The following SPTLC2 variants were observed in gnomAD, a reference collection of about 807,000 sequenced individuals.
SPTLC2 encodes serine palmitoyltransferase 2.
SPTLC2 carries 21 observed loss-of-function variants against 62.0 expected under a neutral mutation model. That is an observed-to-expected ratio of 0.34 (90% CI 0.24 to 0.49). SPTLC2 has a LOEUF of 0.49. SPTLC2 is among the 20% of genes least tolerant of loss of function. The pLI is 0.99. For missense variants in SPTLC2, 511 were observed against 713.0 expected (o/e 0.72, Z 3.23); for synonymous variants, 261 against 261.8 (o/e 1.00, Z 0.03).
chr14:77,526,419 G>A (rs1566768965), intron 9 of SPTLC2, among the ~76,000 whole-genome samples: 2 of 152,186 alleles, frequency 1.3e-5, no homozygotes, highest in Non-Finnish European at 2.9e-5. Context: ...ATATAAAGAG[G>A]TCAGAATTCT....
intron 1 of SPTLC2, among the ~76,000 whole-genome samples, chr14:77,612,587 T>C (rs952637223): frequency 6.6e-6 from 1 of 152,236 alleles, no homozygotes; most frequent in Admixed American, 6.5e-5. Flanking sequence ...TAAATAGATA[T>C]ATGACTATTC....
chr14:77,581,207 T>G (rs2079748253), intron 2 of SPTLC2, among the ~76,000 whole-genome samples: 1 of 152,164 alleles, frequency 6.6e-6, no homozygotes, highest in African/African-American at 2.4e-5. Flanking sequence ...TCAAAAACAT[T>G]GAAAAAGCTT....
In SPTLC2 at chr14:77,530,623, G is replaced by A. The variant is rs192263155; in HGVS notation, c.1304-9042C>T. Among the ~76,000 whole-genome samples, 195 of 152,308 alleles carry A rather than the reference G, an allele frequency of 1.3e-3. 1 individual carries two copies. Among genetic ancestry groups the A allele is most frequent in the Non-Finnish European group, 2.3e-3 (158 of 68,030 alleles). ...AATACACCATATAAGTAACTTCTGAGAGGAAGAACAGACTTAGTAGGCTTT... is the reference window on the plus strand; with the variant it reads ...AATACACCATATAAGTAACTTCTGAAAGGAAGAACAGACTTAGTAGGCTTT... On this transcript the variant is annotated intron_variant, in intron 9 of 11. Transcript: ENST00000216484.
chr14:77,573,408 T>C (rs1157585464), intron 4 of SPTLC2, among the ~76,000 whole-genome samples: 1 of 152,140 alleles, frequency 6.6e-6, no homozygotes, highest in Non-Finnish European at 1.5e-5. Flanking sequence ...CTTGATTCTA[T>C]ACACATTCTA....
At chr14:77,568,422 T>C (rs1010025876) in intron 5 of SPTLC2, among the ~76,000 whole-genome samples, 2 of 152,190 alleles carry the variant, frequency 1.3e-5, no homozygotes, top group Admixed American at 6.5e-5. Flanking sequence ...GTGAAGTGTT[T>C]CATGACTCTC....
chr14:77,550,300 C>T lies in SPTLC2; in HGVS notation c.1303+1796G>A, dbSNP rs143415080. Among the ~76,000 whole-genome samples, 1,092 of 152,306 alleles carry T rather than the reference C, an allele frequency of 7.2e-3. 11 individuals carry two copies. Among genetic ancestry groups the T allele is most frequent in the African/African-American group, 0.023 (940 of 41,562 alleles). Reference sequence around the variant, plus strand: ...TGATTTAAGAAAACAGTCGACTGGGCGCGGTGGCTTACGCCTGTAATCCCA... The same window carrying T: ...TGATTTAAGAAAACAGTCGACTGGGTGCGGTGGCTTACGCCTGTAATCCCA... On this transcript the variant is annotated intron_variant, in intron 9 of 11. Coordinates refer to ENST00000216484, the MANE Select transcript of SPTLC2 (RefSeq NM_004863.4).
At chr14:77,611,147 A>AAG (rs967367169) in intron 1 of SPTLC2, among the ~76,000 whole-genome samples, 1 of 150,350 alleles carries the variant, frequency 6.7e-6, no homozygotes, top group African/African-American at 2.4e-5. Context: ...CAAAAAAAAA[A>AAG]AAAAAATTAG....
chr14:77,580,350 C>T (rs1449349809), intron 2 of SPTLC2, among the ~76,000 whole-genome samples: 4 of 151,020 alleles, frequency 2.6e-5, no homozygotes, highest in East Asian at 2.0e-4. Context: ...GGCATGGTGG[C>T]GGGTGCCTGT....
intron 11 of SPTLC2, among the ~76,000 whole-genome samples, chr14:77,514,471 G>A (rs891331363): frequency 2.6e-5 from 4 of 152,178 alleles, no homozygotes; most frequent in Admixed American, 6.5e-5. Flanking sequence ...TACATGCATC[G>A]CCATTCATTA....
At chr14:77,521,984 T>A (rs1470551209) in intron 9 of SPTLC2, among the ~76,000 whole-genome samples, 1 of 152,136 alleles carries the variant, frequency 6.6e-6, no homozygotes, top group Non-Finnish European at 1.5e-5. Flanking sequence ...GTGTGGCACA[T>A]TACAAGTAGC....
intron 9 of SPTLC2, among the ~76,000 whole-genome samples, chr14:77,531,730 T>C (rs1374302262): frequency 2.0e-5 from 3 of 152,110 alleles, no homozygotes. Context: ...CAGGCTGGTC[T>C]TGAACTCCCA....
At chr14:77,582,250 C>T (rs2140043687) in intron 2 of SPTLC2, among the ~76,000 whole-genome samples, 1 of 152,114 alleles carries the variant, frequency 6.6e-6, no homozygotes, top group Admixed American at 6.6e-5. Flanking sequence ...GACAGTGTTT[C>T]ACCATGTTGG....
intron 9 of SPTLC2, among the ~76,000 whole-genome samples, chr14:77,538,720 G>T (rs1012258109): frequency 6.6e-6 from 1 of 152,036 alleles, no homozygotes; most frequent in Non-Finnish European, 1.5e-5. Flanking sequence ...ACAGGCATGC[G>T]TCACCACATC....
At chr14:77,522,863 TA>T (rs2079391357) in intron 9 of SPTLC2, among the ~76,000 whole-genome samples, 2 of 152,224 alleles carry the variant, frequency 1.3e-5, no homozygotes, top group East Asian at 3.8e-4. Flanking sequence ...TATGACAAAT[TA>T]ACCAGACATA....
At chr14:77,525,194 G>T (rs531360865) in intron 9 of SPTLC2, among the ~76,000 whole-genome samples, 41 of 152,316 alleles carry the variant, frequency 2.7e-4, no homozygotes, top group African/African-American at 8.7e-4. Flanking sequence ...GCTGAGGCAG[G>T]AGGATCTCTT....
At chr14:77,586,818 C>G (rs993524814) in intron 2 of SPTLC2, among the ~76,000 whole-genome samples, 1 of 152,226 alleles carries the variant, frequency 6.6e-6, no homozygotes, top group South Asian at 2.1e-4. Flanking sequence ...TTCAGCTTCA[C>G]TGGGCAATAG....
In SPTLC2 at chr14:77,566,822, C is replaced by T. The variant is rs140770524; in HGVS notation, c.756+3562G>A. The stretch of plus-strand genomic sequence containing the variant: ...AGAACCTATGCTCTTAATCAATATA[C>T]TGCCCCACCCTGCCATCAAACTGAG... On this transcript the variant is annotated intron_variant, in intron 5 of 11. Coordinates refer to ENST00000216484, the MANE Select transcript of SPTLC2 (RefSeq NM_004863.4). Among the ~76,000 whole-genome samples, 4 of 152,144 alleles carry T rather than the reference C, an allele frequency of 2.6e-5. No homozygotes were observed. The East Asian group carries it at 5.8e-4, about 22-fold the overall frequency.
At chr14:77,560,863 T>C (rs957141084) in intron 6 of SPTLC2, among the ~76,000 whole-genome samples, 1 of 144,908 alleles carries the variant, frequency 6.9e-6, no homozygotes, top group African/African-American at 2.6e-5. Flanking sequence ...TACTTGAGAG[T>C]GAGGCAGGGG....
intron 1 of SPTLC2, among the ~76,000 whole-genome samples, chr14:77,607,752 GA>G (rs1566794331): frequency 6.6e-6 from 1 of 152,132 alleles, no homozygotes; most frequent in African/African-American, 2.4e-5. Flanking sequence ...CCTCTACTAA[GA>G]AAATGGGTTT....
Sources: allele counts gnomAD v4.1 joint callset (sites outside exome capture counted in the v4.1 genomes callset), GRCh38; gene constraint gnomAD v4.1.1; transcripts MANE v1.5; gene names NCBI Gene and HGNC (gene_info 2026-07-23, HGNC 2026-07-21).